The following MTUS2 variants were observed in gnomAD, a reference collection of about 807,000 sequenced individuals.
MTUS2 encodes microtubule associated scaffold protein 2.
MTUS2 carries 40 observed loss-of-function variants against 114.1 expected under a neutral mutation model. That is an observed-to-expected ratio of 0.35 (90% confidence interval 0.27 to 0.46). MTUS2 has a LOEUF of 0.46. Ranked by LOEUF, MTUS2 falls within the 20% of genes least tolerant of loss-of-function variation. The pLI, the probability that MTUS2 is intolerant of heterozygous loss-of-function variation, is 1.00. For synonymous variants in MTUS2, 688 were observed against 672.0 expected, an observed-to-expected ratio of 1.02 and a Z score of -0.37; for missense variants, 1,679 against 1,705.4, an observed-to-expected ratio of 0.98 and a Z score of 0.27.
chr13:28,946,067 T>C (rs1882508897), intron 2 of MTUS2, among the ~76,000 whole-genome samples: 1 of 152,234 alleles, frequency 6.6e-6, no homozygotes, highest in African/African-American at 2.4e-5. Flanking sequence ...TGTAATCTTT[T>C]AAACTTCACA....
At chr13:28,942,217 CAATA>C (rs1202121424) in intron 2 of MTUS2, among the ~76,000 whole-genome samples, 1 of 151,864 alleles carries the variant, frequency 6.6e-6, no homozygotes, top group Admixed American at 6.6e-5. Context: ...TCCAAATGGC[CAATA>C]AATAAAGATG....
chr13:28,929,708 G>T (rs1881511346), intron 2 of MTUS2, among the ~76,000 whole-genome samples: 1 of 152,168 alleles, frequency 6.6e-6, no homozygotes. Context: ...GGAAACCTAG[G>T]TTTATTTACC....
intron 2 of MTUS2, among the ~76,000 whole-genome samples, chr13:28,865,128 C>T (rs778209962): frequency 5.3e-5 from 8 of 151,924 alleles, no homozygotes; most frequent in Admixed American, 4.6e-4. Flanking sequence ...TATACACACA[C>T]GTGTGTGTGT....
chr13:29,022,600 C>T (rs1008933903), intron 2 of MTUS2, among the ~76,000 whole-genome samples: 12 of 152,214 alleles, frequency 7.9e-5, no homozygotes, highest in African/African-American at 2.9e-4. Context: ...ACAGTAGCCT[C>T]ACATGTGGTG....
Position 29,118,880 on chromosome 13 carries a change from G to A in MTUS2, c.2644+17910G>A, listed in dbSNP as rs114595990. On this transcript the variant is annotated intron_variant, in intron 5 of 15. Coordinates refer to ENST00000612955, the MANE Select transcript of MTUS2 (RefSeq NM_001033602.4). ...CTCCCTGGGAAGTGAGGGAGTGGAC[G>A]GTGAGTCCTGAGATGCCTTCATGGA... Among the ~76,000 whole-genome samples, 12 of 152,134 alleles carry A rather than the reference G, an allele frequency of 7.9e-5. 1 individual carries two copies. The highest frequency in any genetic ancestry group is 6.5e-4 in the Admixed American group (10 of 15,276).
chr13:28,973,413 A>G lies in MTUS2; in HGVS notation c.-242-51044A>G, dbSNP rs531453818. On this transcript the variant is annotated intron_variant, in intron 2 of 15. Coordinates refer to ENST00000612955, the MANE Select transcript of MTUS2 (RefSeq NM_001033602.4). Reference sequence around the variant, plus strand: ...ATGCAGGTGCACTGGGCTGTGATGTAAAATATATTTCTGAGGGTCATAGTG... The same window carrying G: ...ATGCAGGTGCACTGGGCTGTGATGTGAAATATATTTCTGAGGGTCATAGTG... Among the ~76,000 whole-genome samples the G allele has an allele frequency of 2.6e-5, 4 of 152,298 alleles. No homozygotes were observed. In the East Asian group the frequency reaches 7.7e-4, roughly 29 times the overall value.
intron 8 of MTUS2, among the ~76,000 whole-genome samples, chr13:29,390,846 G>C (rs185953861): frequency 6.6e-6 from 1 of 151,430 alleles, no homozygotes; most frequent in Admixed American, 6.6e-5. Context: ...GCAGTGGCAC[G>C]ACCTTGGCTC....
chr13:29,185,226 C>G (rs982053626), intron 5 of MTUS2, among the ~76,000 whole-genome samples: 4 of 151,812 alleles, frequency 2.6e-5, no homozygotes, highest in African/African-American at 9.7e-5. Flanking sequence ...TTGAGATTAT[C>G]CAGTTGAAAA....
At chr13:29,232,911 C>T (rs1012913346) in intron 5 of MTUS2, among the ~76,000 whole-genome samples, 3 of 152,082 alleles carry the variant, frequency 2.0e-5, no homozygotes, top group South Asian at 4.1e-4. Context: ...ATTTAAAATT[C>T]GGCTGTTGTT....
intron 5 of MTUS2, among the ~76,000 whole-genome samples, chr13:29,268,426 A>G (rs185922034): frequency 6.6e-6 from 1 of 152,232 alleles, no homozygotes; most frequent in Non-Finnish European, 1.5e-5. Context: ...TGTGTGTGTG[A>G]AAGTCGAGTC....
chr13:28,991,972 C>G (rs1029144194), intron 2 of MTUS2, among the ~76,000 whole-genome samples: 1 of 152,188 alleles, frequency 6.6e-6, no homozygotes, highest in Admixed American at 6.5e-5. Flanking sequence ...TGAAGCTGCT[C>G]CTCCCTTTCT....
chr13:29,117,039 A>C (rs1002732883), intron 5 of MTUS2, among the ~76,000 whole-genome samples: 6 of 152,184 alleles, frequency 3.9e-5, no homozygotes, highest in African/African-American at 1.2e-4. Flanking sequence ...TCTTCCAAGA[A>C]GTTCTGAAAG....
At chr13:29,225,099 C>G (rs1896053698) in intron 5 of MTUS2, among the ~76,000 whole-genome samples, 2 of 152,190 alleles carry the variant, frequency 1.3e-5, no homozygotes, top group Non-Finnish European at 1.5e-5. Context: ...AGACTGGCTC[C>G]TTGTCAGCCT....
rs571192609 is a variant in MTUS2, at chr13:29,282,732, A to G, written c.2806+867A>G. Among the ~76,000 whole-genome samples the G allele has an allele frequency of 2.6e-5, 4 of 152,274 alleles. No homozygotes were observed. The South Asian group carries it at 8.3e-4, about 32-fold the overall frequency. ...CCATATTTTTTCTATGCTTGTATCA[A>G]TGTATCATCATATCAATGTATATAT... On this transcript the variant is annotated intron_variant, in intron 6 of 15. Coordinates refer to ENST00000612955, the MANE Select transcript of MTUS2 (RefSeq NM_001033602.4).
chr13:29,122,953 C>T (rs1280834794), intron 5 of MTUS2, among the ~76,000 whole-genome samples: 1 of 152,188 alleles, frequency 6.6e-6, no homozygotes, highest in Non-Finnish European at 1.5e-5. Context: ...TCTATATTGT[C>T]CCCAGTGCCT....
chr13:29,352,719 G>A (rs1182170436), intron 7 of MTUS2, among the ~76,000 whole-genome samples: 2 of 152,076 alleles, frequency 1.3e-5, no homozygotes, highest in East Asian at 3.8e-4. Context: ...TCTGTTGTAT[G>A]GATATAAAAC....
chr13:28,845,467 CAAAGG>C (rs371025524), intron 2 of MTUS2, among the ~76,000 whole-genome samples: 82 of 152,270 alleles, frequency 5.4e-4, no homozygotes, highest in African/African-American at 1.8e-3. Context: ...TCTTTCATCT[CAAAGG>C]AAAACAAATT....
At chr13:29,090,767 TA>T (rs1393563227) in intron 4 of MTUS2, among the ~76,000 whole-genome samples, 1 of 152,218 alleles carries the variant, frequency 6.6e-6, no homozygotes, top group Non-Finnish European at 1.5e-5. Context: ...TAATGAAGGC[TA>T]AAGCCACTTA....
chr13:29,241,549 G>A (rs1176839735), intron 5 of MTUS2, among the ~76,000 whole-genome samples: 3 of 152,074 alleles, frequency 2.0e-5, no homozygotes, highest in Non-Finnish European at 2.9e-5. Flanking sequence ...CCCCCAGGTG[G>A]AATTGACATT....
Sources: gnomAD v4.1 joint callset for allele counts (sites outside exome capture counted in the v4.1 genomes callset) on GRCh38, gnomAD v4.1.1 for gene constraint, MANE v1.5 for transcripts, NCBI Gene and HGNC (gene_info 2026-07-23, HGNC 2026-07-21) for gene names.